Variants in GPC5 observed in about 807,000 individuals in gnomAD.
GPC5 encodes the protein glypican 5.
GPC5 carries 47 observed loss-of-function variants against 53.9 expected under a neutral mutation model. That is an observed-to-expected ratio of 0.87 (90% CI 0.69 to 1.11). The LOEUF (loss-of-function observed/expected upper bound fraction) is 1.11, where lower values mean the gene tolerates loss of function less well. Among genes scored for constraint, GPC5 ranks in the 50% most tolerant of loss-of-function variants. The probability of loss-of-function intolerance (pLI) is 0.00; values close to 1 mark genes in which losing one functional copy is unlikely to be tolerated. For synonymous variants in GPC5, 286 were observed against 263.3 expected (o/e 1.09, Z -0.84); for missense variants, 748 against 713.1 (o/e 1.05, Z -0.56).
chr13:91,936,084 T>C (rs2039868399), intron 6 of GPC5, among the ~76,000 whole-genome samples: 1 of 152,044 alleles, frequency 6.6e-6, no homozygotes, highest in African/African-American at 2.4e-5. Context: ...TACCAAGGTA[T>C]AGATATTTGT....
At chr13:92,268,271 T>C (rs1373185571) in intron 7 of GPC5, among the ~76,000 whole-genome samples, 3 of 152,048 alleles carry the variant, frequency 2.0e-5, no homozygotes, top group Admixed American at 6.6e-5. Flanking sequence ...TTCTCCCAAA[T>C]ATTACTATTT....
At chr13:92,551,288 G>A (rs1197456246) in intron 7 of GPC5, among the ~76,000 whole-genome samples, 1 of 148,496 alleles carries the variant, frequency 6.7e-6, no homozygotes, top group African/African-American at 2.5e-5. Flanking sequence ...CTAAAACCAG[G>A]CAGCCAAAAA....
At chr13:92,237,054 A>G (rs1390487680) in intron 7 of GPC5, among the ~76,000 whole-genome samples, 1 of 152,028 alleles carries the variant, frequency 6.6e-6, no homozygotes, top group Admixed American at 6.6e-5. Flanking sequence ...ACACCCCACA[A>G]CTAATGCCCT....
chr13:92,607,479 T>A (rs1205012319), intron 7 of GPC5, among the ~76,000 whole-genome samples: 3 of 151,970 alleles, frequency 2.0e-5, no homozygotes, highest in Admixed American at 1.3e-4. Context: ...AAAAAAAAAA[T>A]TTCAATCTCA....
Position 91,576,339 on chromosome 13 carries a change from T to TA in GPC5, c.326-116848_326-116847insA, listed in dbSNP as rs1555326493. 2.9e-4 allele frequency among the ~76,000 whole-genome samples: 41 copies of TA among 142,792 alleles called. 1 individual carries two copies. The highest frequency in any genetic ancestry group is 7.9e-3 in the Middle Eastern group (2 of 252). The allele number at this position is 142,792 out of a possible 152,430, so 93.7% of individuals were successfully genotyped here. On this transcript the variant is annotated intron_variant, in intron 2 of 7. Coordinates refer to ENST00000377067, the MANE Select transcript of GPC5 (RefSeq NM_004466.6). The stretch of plus-strand genomic sequence containing the variant: ...ACAATGTGTATATATATATATATAT[T>TA]GAAATCTGTTGTACACCACAAATAT...
intron 5 of GPC5, among the ~76,000 whole-genome samples, chr13:91,768,705 G>A (rs373060271): frequency 9.2e-5 from 14 of 152,160 alleles, no homozygotes; most frequent in East Asian, 1.9e-4. Context: ...GAATAAATAC[G>A]GTTAAATTAT....
At chr13:92,511,852 C>T (rs1178060540) in intron 7 of GPC5, among the ~76,000 whole-genome samples, 1 of 152,108 alleles carries the variant, frequency 6.6e-6, no homozygotes, top group African/African-American at 2.4e-5. Context: ...AGCACTTTAC[C>T]TGTGATCATT....
intron 7 of GPC5, among the ~76,000 whole-genome samples, chr13:92,670,135 A>C (rs1182742830): frequency 6.6e-6 from 1 of 152,166 alleles, no homozygotes; most frequent in Non-Finnish European, 1.5e-5. Context: ...GAAATGAATT[A>C]ATGGCTGTTG....
At chr13:92,566,126 T>A (rs562386452) in intron 7 of GPC5, among the ~76,000 whole-genome samples, 80 of 152,228 alleles carry the variant, frequency 5.3e-4, no homozygotes, top group African/African-American at 1.8e-3. Context: ...TTAATCTTGA[T>A]AATCTGTTAG....
At chr13:92,554,964 G>A (rs1303620553) in intron 7 of GPC5, among the ~76,000 whole-genome samples, 2 of 143,364 alleles carry the variant, frequency 1.4e-5, no homozygotes, top group Non-Finnish European at 3.0e-5. Context: ...TTTTCTCTAT[G>A]TTCTGGCACT....
chr13:91,989,009 C>T (rs1187778237), intron 6 of GPC5, among the ~76,000 whole-genome samples: 1 of 149,994 alleles, frequency 6.7e-6, no homozygotes, highest in African/African-American at 2.4e-5. Context: ...TTTCTCATTT[C>T]ACATGACAGT....
chr13:91,789,073 G>T (rs1245877451), intron 5 of GPC5, among the ~76,000 whole-genome samples: 1 of 152,082 alleles, frequency 6.6e-6, no homozygotes, highest in Non-Finnish European at 1.5e-5. Context: ...AATTAGCTGG[G>T]CATGGTGGCA....
intron 2 of GPC5, among the ~76,000 whole-genome samples, chr13:91,463,071 GA>G (rs917003797): frequency 1.3e-5 from 2 of 151,966 alleles, no homozygotes; most frequent in Non-Finnish European, 2.9e-5. Flanking sequence ...GCAGTGGGGG[GA>G]TTTGTTCCAG....
intron 2 of GPC5, among the ~76,000 whole-genome samples, chr13:91,678,295 A>G (rs1404079422): frequency 6.6e-6 from 1 of 152,192 alleles, no homozygotes; most frequent in African/African-American, 2.4e-5. Flanking sequence ...TTGCAGATTA[A>G]ATTTAAACCG....
intron 7 of GPC5, among the ~76,000 whole-genome samples, chr13:92,406,348 T>C (rs1755430751): frequency 6.6e-6 from 1 of 152,238 alleles, no homozygotes; most frequent in Admixed American, 6.5e-5. Context: ...TTCAAAACAA[T>C]GTCTGTGCTA....
intron 7 of GPC5, among the ~76,000 whole-genome samples, chr13:92,625,076 A>G (rs1885003891): frequency 6.6e-6 from 1 of 152,174 alleles, no homozygotes; most frequent in South Asian, 2.1e-4. Flanking sequence ...TTCTGATAGG[A>G]AGCTTCTATT....
chr13:91,520,703 T>G (rs540143806), intron 2 of GPC5, among the ~76,000 whole-genome samples: 1 of 151,040 alleles, frequency 6.6e-6, no homozygotes, highest in South Asian at 2.1e-4. Flanking sequence ...TATATGTATA[T>G]ATATGTGTGT....
intron 2 of GPC5, among the ~76,000 whole-genome samples, chr13:91,551,352 A>G (rs1477580537): frequency 1.3e-5 from 2 of 152,142 alleles, no homozygotes; most frequent in Admixed American, 1.3e-4. Context: ...TATCTGAACT[A>G]TAAAAGAGTA....
At chr13:92,088,842 AAAG>A (rs2041355634) in intron 6 of GPC5, among the ~76,000 whole-genome samples, 1 of 152,256 alleles carries the variant, frequency 6.6e-6, no homozygotes, top group African/African-American at 2.4e-5. Context: ...AAGAGTCAGC[AAAG>A]AATATACAGC....
Sources: allele counts gnomAD v4.1 joint callset (sites outside exome capture counted in the v4.1 genomes callset), GRCh38; gene constraint gnomAD v4.1.1; transcripts MANE v1.5; gene names NCBI Gene and HGNC (gene_info 2026-07-23, HGNC 2026-07-21).